IMPA2: variants seen among roughly 807,000 people sequenced by gnomAD.
The protein encoded by IMPA2 is IMP 2.
Under a neutral mutation model 35.1 loss-of-function variants are expected in IMPA2, and 32 were observed. That is an observed-to-expected ratio of 0.91 (90% CI 0.69 to 1.23). The LOEUF (loss-of-function observed/expected upper bound fraction) is 1.23. IMPA2 is among the 50% of genes most tolerant of loss of function. The pLI is 0.00. For synonymous variants in IMPA2, 135 were observed against 160.6 expected, an observed-to-expected ratio of 0.84 and a Z score of 1.20; for missense variants, 334 against 387.6, an observed-to-expected ratio of 0.86 and a Z score of 1.16.
At chr18:12,007,676 T>TTTCTTTCTTTCTTTCTTTCTTTCTTTCC (rs1568032979) in intron 2 of IMPA2, among the ~76,000 whole-genome samples, 2 of 111,360 alleles carry the variant, frequency 1.8e-5, no homozygotes, top group Non-Finnish European at 3.8e-5. Flanking sequence ...TCTTTCTTTC[T>TTTCTTTCTTTCTTTCTTTCTTTCTTTCC]TTCCTTTCTT....
intron 1 of IMPA2, among the ~76,000 whole-genome samples, chr18:11,996,951 C>T (rs1906975638): frequency 6.6e-6 from 1 of 151,872 alleles, no homozygotes; most frequent in Non-Finnish European, 1.5e-5. Context: ...TACACACACA[C>T]CCAGAGATAG....
Position 12,012,211 on chromosome 18 carries a change from A to C in IMPA2, c.377A>C (p.Gln126Pro), listed in dbSNP as rs777967280. The C allele has an allele frequency of 2.5e-6, 4 of 1,613,990 alleles. No homozygotes were observed. Among genetic ancestry groups the C allele is most frequent in the Non-Finnish European group, 3.4e-6 (4 of 1,179,984 alleles). ...GTTAGCATTGGATTTGCTGTTCGAC[A>C]AGAGGTGCGGGTGTGGCCCAGGTCC... is the stretch of plus-strand genomic sequence containing the variant. ...VAVSIGFAVR[Q>P]ELEFGVIYHC... The change falls in exon 4 of 8, where the codon CAA (glutamine) becomes CCA (proline). Residue 126 changes from glutamine (Q) to proline (P), a missense_variant. Coordinates refer to ENST00000269159, the MANE Select transcript of IMPA2 (RefSeq NM_014214.3).
At chr18:12,004,575 G>T (rs1398322295) in intron 2 of IMPA2, among the ~76,000 whole-genome samples, 2 of 149,528 alleles carry the variant, frequency 1.3e-5, no homozygotes, top group African/African-American at 5.0e-5. Context: ...CTGTAGCCCA[G>T]ACTGGAGTGC....
chr18:12,026,412 T>C (rs1476993074), intron 5 of IMPA2, among the ~76,000 whole-genome samples: 3 of 152,222 alleles, frequency 2.0e-5, no homozygotes, highest in African/African-American at 7.2e-5. Flanking sequence ...AGTATTTAGA[T>C]TCTTAGATTA....
intron 5 of IMPA2, among the ~76,000 whole-genome samples, chr18:12,019,022 C>G (rs1002855343): frequency 6.6e-6 from 1 of 151,864 alleles, no homozygotes; most frequent in African/African-American, 2.4e-5. Context: ...GACAGGGTCT[C>G]GATAGGTTTC....
At chr18:11,996,122 A>G (rs1229030992) in intron 1 of IMPA2, among the ~76,000 whole-genome samples, 1 of 152,154 alleles carries the variant, frequency 6.6e-6, no homozygotes. Context: ...TTCAGATGGG[A>G]TATGGTAAGT....
At chr18:12,020,289 G>A (rs1403115446) in intron 5 of IMPA2, among the ~76,000 whole-genome samples, 7 of 151,970 alleles carry the variant, frequency 4.6e-5, no homozygotes, top group Non-Finnish European at 4.4e-5. Flanking sequence ...CACCTCCTGG[G>A]TTTAAGTGAT....
In IMPA2 at chr18:12,028,919, G is replaced by A; in HGVS notation, c.677G>A (p.Gly226Asp). 1 of 1,614,112 alleles carries A rather than the reference G, an allele frequency of 6.2e-7. No homozygotes were observed. The highest frequency in any genetic ancestry group is 8.5e-7 in the Non-Finnish European group (1 of 1,180,028). ...SGAADAYYQF[G>D]LHCWDLAAAT... ...GCCGCGGATGCCTATTACCAGTTTGGCCTGCACTGCTGGGATCTGGCGGCT... is the reference window on the plus strand; with the variant it reads ...GCCGCGGATGCCTATTACCAGTTTGACCTGCACTGCTGGGATCTGGCGGCT... The change falls in exon 7 of 8, where the codon GGC (glycine) becomes GAC (aspartate). Residue 226 changes from glycine to aspartate, a missense_variant. By Grantham distance (94) the Gly-to-Asp change is moderately conservative. Coordinates refer to ENST00000269159, the MANE Select transcript of IMPA2 (RefSeq NM_014214.3).
intron 4 of IMPA2, among the ~76,000 whole-genome samples, chr18:12,013,833 C>T (rs991647166): frequency 6.6e-6 from 1 of 152,156 alleles, no homozygotes; most frequent in Non-Finnish European, 1.5e-5. Flanking sequence ...TCTGAGATTC[C>T]GCTGGCTTTA....
chr18:11,996,855 AACAC>A (rs150089223), intron 1 of IMPA2, among the ~76,000 whole-genome samples: 1 of 151,006 alleles, frequency 6.6e-6, no homozygotes, highest in African/African-American at 2.4e-5. Flanking sequence ...ACACCACACC[AACAC>A]ACACACACAC....
intron 1 of IMPA2, among the ~76,000 whole-genome samples, chr18:11,992,161 G>A (rs1234954183): frequency 2.6e-5 from 4 of 152,246 alleles, no homozygotes; most frequent in African/African-American, 9.6e-5. Flanking sequence ...GTCTGACCAA[G>A]TATCTGCGCT....
intron 2 of IMPA2, among the ~76,000 whole-genome samples, chr18:12,000,745 A>C (rs1158885652): frequency 6.7e-6 from 1 of 150,154 alleles, no homozygotes; most frequent in East Asian, 2.0e-4. Context: ...CCTCCTGAGT[A>C]GCTGGGACTA....
intron 1 of IMPA2, among the ~76,000 whole-genome samples, chr18:11,988,115 C>T (rs190610427): frequency 6.8e-6 from 1 of 146,704 alleles, no homozygotes; most frequent in East Asian, 2.1e-4. Context: ...AAGCAATTCT[C>T]CTGCCTCAGC....
intron 1 of IMPA2, among the ~76,000 whole-genome samples, chr18:11,996,258 G>T (rs550960733): frequency 6.3e-4 from 96 of 152,326 alleles, no homozygotes; most frequent in African/African-American, 2.3e-3. Flanking sequence ...GAGCTGTGAA[G>T]GGCTCGCCCT....
At chr18:12,029,718 G>A (rs1324153177) in intron 7 of IMPA2, among the ~76,000 whole-genome samples, 1 of 152,164 alleles carries the variant, frequency 6.6e-6, no homozygotes, top group Non-Finnish European at 1.5e-5. Flanking sequence ...ACCATGCCCG[G>A]CCTCCATTCC....
intron 2 of IMPA2, among the ~76,000 whole-genome samples, chr18:12,007,634 T>C (rs573872434): frequency 2.0e-5 from 1 of 50,450 alleles, no homozygotes; most frequent in African/African-American, 7.1e-5. Context: ...CTTTCTTCTT[T>C]CTTTCTTTCT....
At chr18:12,025,028 G>C (rs779257579) in intron 5 of IMPA2, among the ~76,000 whole-genome samples, 6 of 152,120 alleles carry the variant, frequency 3.9e-5, no homozygotes, top group Non-Finnish European at 7.3e-5. Flanking sequence ...AACCCCCCAT[G>C]CTCCGCCTAT....
At chr18:12,027,870 C>T (rs983295039) in intron 5 of IMPA2, among the ~76,000 whole-genome samples, 173 bp from the exon 6 acceptor site, 1 of 152,006 alleles carries the variant, frequency 6.6e-6, no homozygotes, top group East Asian at 1.9e-4. Context: ...GCACGATCCA[C>T]TGTGCCCGGT....
Position 12,010,001 on chromosome 18 carries a change from G to T in IMPA2, c.335+14G>T, listed in dbSNP as rs767310893. 1 of 1,593,906 alleles carries T rather than the reference G, an allele frequency of 6.3e-7. No individual in the cohort carries two copies. The highest frequency in any genetic ancestry group is 2.2e-5 in the East Asian group (1 of 44,806). On this transcript the variant is annotated intron_variant, in intron 3 of 7. Transcript: ENST00000269159. This position sits in a 1 kb window ranked among gnomAD's most constrained non-coding sequence, Gnocchi z 4.8. ...TTTTGTGCACAGGTGAGCTGAGCAGGGATCGCCTCCATTGCAGGGCTTAAC... is the reference window on the plus strand; with the variant it reads ...TTTTGTGCACAGGTGAGCTGAGCAGTGATCGCCTCCATTGCAGGGCTTAAC...
Sources: gnomAD v4.1 joint callset for allele counts (sites outside exome capture counted in the v4.1 genomes callset) on GRCh38, gnomAD v4.1.1 for gene constraint, Gnocchi (gnomAD v3.1) non-coding constraint, MANE v1.5 for transcripts, NCBI Gene and HGNC (gene_info 2026-07-23, HGNC 2026-07-21) for gene names.